AHRR: variants seen among roughly 807,000 people sequenced by gnomAD.
AHRR encodes the protein ahR repressor.
In AHRR, 28 loss-of-function variants were observed where a neutral mutation model predicts 44.0. That is an observed-to-expected ratio of 0.64 (90% confidence interval 0.47 to 0.87). The LOEUF (loss-of-function observed/expected upper bound fraction) is 0.87, where lower values mean the gene tolerates loss of function less well. Among genes scored for constraint, AHRR ranks in the 40% least tolerant of loss-of-function variants. AHRR has a pLI of 0.00. For missense variants in AHRR, 990 were observed against 953.9 expected, an observed-to-expected ratio of 1.04 and a Z score of -0.50; for synonymous variants, 434 against 407.0, an observed-to-expected ratio of 1.07 and a Z score of -0.80.
intron 5 of AHRR, among the ~76,000 whole-genome samples, chr5:414,811 CAG>C (rs1735645856): frequency 6.6e-6 from 1 of 152,230 alleles, no homozygotes; most frequent in South Asian, 2.1e-4. Context: ...AGTCTGGAGA[CAG>C]AAACTGTGCA....
intron 4 of AHRR, among the ~76,000 whole-genome samples, chr5:392,748 T>A (rs11134017): frequency 6.6e-6 from 1 of 152,008 alleles, no homozygotes; most frequent in Non-Finnish European, 1.5e-5. Context: ...TCTTCAGACC[T>A]GGCTCATTTC....
Position 415,611 on chromosome 5 carries a change from G to A in AHRR, c.441+2178G>A, listed in dbSNP as rs75387301. Among the ~76,000 whole-genome samples, 34 of 87,300 alleles carry A rather than the reference G, an allele frequency of 3.9e-4. 1 individual carries two copies. Among genetic ancestry groups the A allele is most frequent in the Non-Finnish European group, 8.0e-4 (29 of 36,286 alleles). The allele number at this position is 87,300 out of a possible 152,430, so 57.3% of individuals were successfully genotyped here. On this transcript the variant is annotated intron_variant, in intron 5 of 10. Coordinates refer to ENST00000684583, the MANE Select transcript of AHRR (RefSeq NM_001377236.1). ...GCCTAGGGGCCGAATCTGCCTGGTG[G>A]GGCGGGAGGCCTAGGGGCCGAATCT...
rs1046984212 is a variant in AHRR, at chr5:383,576, T to TA, written c.351+6862dup. On this transcript the variant is annotated intron_variant, in intron 4 of 10. Coordinates refer to ENST00000684583, the MANE Select transcript of AHRR (RefSeq NM_001377236.1). The surrounding 1 kb of genome is among the most constrained non-coding windows in gnomAD (Gnocchi z 4.0). ...CAGCTTTCTTTTCTTTTTTTTTTTTTAATACAGACAGGGTCTTGCTCTGTC... is the reference window on the plus strand; with the variant it reads ...CAGCTTTCTTTTCTTTTTTTTTTTTTAAATACAGACAGGGTCTTGCTCTGTC... 1.3e-5 allele frequency among the ~76,000 whole-genome samples: 2 copies of TA among 151,866 alleles called. No individual in the cohort carries two copies. The highest frequency in any genetic ancestry group is 1.9e-4 in the East Asian group (1 of 5,180).
At position 433,874 on chromosome 5, in the gene AHRR, C is replaced by T. The variant is rs978629553; in HGVS notation, c.1134C>T (p.His378=). 4.0e-6 allele frequency: 6 copies of T among 1,507,454 alleles called. No individual in the cohort carries two copies. The African/African-American group carries it at 4.2e-5, about 11-fold the overall frequency. 93.4% of individuals were successfully genotyped at this position (1,507,454 alleles called of 1,614,324 possible). ...GCAGGGACAGGGAGGAGGAGCAGCA[C>T]AGGATGCTGAGCAGGGCCTCTGGAG... ...GGSGDREEEQ[H]RMLSRASGVT... The change falls in exon 11 of 11, where the codon CAC becomes CAT. Residue 378 remains histidine, a synonymous_variant. Coordinates refer to ENST00000684583, the MANE Select transcript of AHRR (RefSeq NM_001377236.1).
At chr5:425,620 A>G (rs376308452) in intron 7 of AHRR, among the ~76,000 whole-genome samples, 5 of 152,250 alleles carry the variant, frequency 3.3e-5, no homozygotes, top group African/African-American at 1.2e-4. Context: ...ATTCCTGGTT[A>G]ATTAAAAACT....
chr5:391,405 CA>C (rs1560904288), intron 4 of AHRR, among the ~76,000 whole-genome samples: 17 of 104,800 alleles, frequency 1.6e-4, no homozygotes, highest in East Asian at 1.2e-3. Flanking sequence ...CAGGGCGAGG[CA>C]GGGCCAGAGC....
At chr5:354,742 G>T (rs1470665924) in intron 3 of AHRR, among the ~76,000 whole-genome samples, 4 of 152,198 alleles carry the variant, frequency 2.6e-5, no homozygotes, top group Non-Finnish European at 1.5e-5. Flanking sequence ...TGGCAGTTGT[G>T]CCCGGTGCCT....
At chr5:362,648 G>T (rs1361550333) in intron 3 of AHRR, among the ~76,000 whole-genome samples, 6 of 152,374 alleles carry the variant, frequency 3.9e-5, no homozygotes, top group South Asian at 2.1e-4. Context: ...GGCCACTCCT[G>T]TCTCAGACCC....
At chr5:431,284 G>T (rs567911417) in intron 8 of AHRR, among the ~76,000 whole-genome samples, 27 of 152,356 alleles carry the variant, frequency 1.8e-4, no homozygotes, top group Non-Finnish European at 2.2e-4. Flanking sequence ...CCCCTGTGGG[G>T]CTGTGAGGGT....
intron 3 of AHRR, among the ~76,000 whole-genome samples, chr5:374,839 G>C (rs1348971478): frequency 2.0e-5 from 3 of 152,204 alleles, no homozygotes; most frequent in African/African-American, 7.2e-5. Flanking sequence ...GGTGGAGGGT[G>C]GGGTGCTAGC....
intron 3 of AHRR, among the ~76,000 whole-genome samples, chr5:359,685 T>C (rs1743107008): frequency 6.6e-6 from 1 of 152,130 alleles, no homozygotes; most frequent in Non-Finnish European, 1.5e-5. Context: ...CGTGCTCCAC[T>C]GTGGGGCCTG....
chr5:377,390 T>C (rs1209862438), intron 4 of AHRR, among the ~76,000 whole-genome samples: 1 of 152,148 alleles, frequency 6.6e-6, no homozygotes, highest in African/African-American at 2.4e-5. Flanking sequence ...TGGAGAGACA[T>C]GGGCCCTGGG....
chr5:364,437 G>A (rs1204770449), intron 3 of AHRR, among the ~76,000 whole-genome samples: 1 of 152,134 alleles, frequency 6.6e-6, no homozygotes, highest in African/African-American at 2.4e-5. Context: ...AATTTGAAGA[G>A]GGTGATGAGT....
At position 432,939 on chromosome 5, in the gene AHRR, G is replaced by A. The variant is rs1334282359; in HGVS notation, c.1104G>A (p.Gly368=). 6.2e-7 allele frequency: 1 copy of A among 1,605,418 alleles called. No homozygotes were observed. Among genetic ancestry groups the A allele is most frequent in the African/African-American group, 1.3e-5 (1 of 74,722 alleles). ...CTGACCTTGTCCTTGACCCCAAGGG[G>A]GGCTCAGGGTAAGTGGTGCCAGGCA... The part of the protein sequence containing the change: ...GGPDLVLDPK[G]GSGDREEEQH... Residue 368 remains glycine, a synonymous_variant, in exon 10 of 11, where the codon GGG becomes GGA. Coordinates refer to ENST00000684583, the MANE Select transcript of AHRR (RefSeq NM_001377236.1).
intron 5 of AHRR, among the ~76,000 whole-genome samples, chr5:414,963 A>C (rs113368117): frequency 0.012 from 1,819 of 152,354 alleles, 33 homozygotes; most frequent in African/African-American, 0.042. Context: ...CAGTGCCCAC[A>C]GGGCCCAGGC....
At chr5:372,130 G>A (rs1345584661) in intron 3 of AHRR, among the ~76,000 whole-genome samples, 2 of 152,242 alleles carry the variant, frequency 1.3e-5, no homozygotes, top group Non-Finnish European at 2.9e-5. Flanking sequence ...TGGATAGGAA[G>A]CAGTGGTGCT....
At position 427,814 on chromosome 5, in the gene AHRR, A is replaced by G; in HGVS notation, c.716A>G (p.Gln239Arg). Residue 239 changes from glutamine to arginine, a missense_variant, in exon 8 of 11, where the codon CAG becomes CGG. By Grantham distance (43) the Gln-to-Arg change is conservative. Transcript: ENST00000684583. ...CTGTCTTTAAAACACCAGACGATGC[A>G]GTTTCAAGGAAAACTAAAATTCCTG... Reference protein sequence around the residue: ...LDSTSGFLTMQFQGKLKFLFG... With the variant: ...LDSTSGFLTMRFQGKLKFLFG... 6.2e-7 allele frequency: 1 copy of G among 1,614,216 alleles called. No individual in the cohort carries two copies. The highest frequency in any genetic ancestry group is 1.1e-5 in the South Asian group (1 of 91,090).
intron 3 of AHRR, among the ~76,000 whole-genome samples, chr5:369,204 CACACTCTGTTAAT>C (rs1414302673): frequency 6.6e-6 from 1 of 152,216 alleles, no homozygotes; most frequent in Non-Finnish European, 1.5e-5. Context: ...TGCATTCCCT[CACACTCTGTTAAT>C]ACACCCGCCC....
At chr5:374,164 C>T (rs1199390925) in intron 3 of AHRR, among the ~76,000 whole-genome samples, 4 of 152,044 alleles carry the variant, frequency 2.6e-5, no homozygotes, top group African/African-American at 9.7e-5. Flanking sequence ...TGCCCCCACC[C>T]GCGCTGCCCC....
Sources: allele counts gnomAD v4.1 joint callset (sites outside exome capture counted in the v4.1 genomes callset), GRCh38; gene constraint gnomAD v4.1.1; non-coding constraint Gnocchi (gnomAD v3.1); transcripts MANE v1.5; gene names NCBI Gene and HGNC (gene_info 2026-07-23, HGNC 2026-07-21).